GLT1D1: variants seen among roughly 807,000 people sequenced by gnomAD.
The protein encoded by GLT1D1 is glycosyltransferase 1 domain-containing protein 1.
GLT1D1 carries 21 observed loss-of-function variants against 28.7 expected under a neutral mutation model. The ratio of observed to expected loss-of-function variants is 0.73; its 90% CI spans 0.52 to 1.05. The LOEUF is 1.05. Ranked by LOEUF, GLT1D1 falls within the 50% of genes least tolerant of loss-of-function variation. The probability of loss-of-function intolerance (pLI) is 0.00; values close to 1 mark genes in which losing one functional copy is unlikely to be tolerated. For missense variants in GLT1D1, 343 were observed against 330.6 expected, an observed-to-expected ratio of 1.04 and a Z score of -0.29; for synonymous variants, 147 against 124.8, an observed-to-expected ratio of 1.18 and a Z score of -1.19.
intron 7 of GLT1D1, among the ~76,000 whole-genome samples, chr12:128,971,449 TCTCCCTCCATCC>T (rs1487883840): frequency 4.2e-4 from 30 of 72,182 alleles, no homozygotes; most frequent in Non-Finnish European, 6.7e-4. Context: ...TCCCTTCCTC[TCTCCCTCCATCC>T]CTCCCTCTGC....
At chr12:128,910,273 T>TG in intron 4 of GLT1D1, among the ~76,000 whole-genome samples, 1 of 151,746 alleles carries the variant, frequency 6.6e-6, no homozygotes, top group East Asian at 1.9e-4. Flanking sequence ...TCTTTTTTTT[T>TG]TTTTTTTTTT....
Position 128,917,047 on chromosome 12 carries a change from G to GT in GLT1D1, c.375+17769dup, listed in dbSNP as rs1400426511. ...TGTGTGTTGTATGAGGTAGGGATCT[G>GT]TTTTTTTTTCTTAACAATATCCAGA... On this transcript the variant is annotated intron_variant, in intron 4 of 7. Coordinates refer to ENST00000281703, the MANE Select transcript of GLT1D1 (RefSeq NM_144669.3). Among the ~76,000 whole-genome samples, 14 of 150,780 alleles carry GT rather than the reference G, an allele frequency of 9.3e-5. No individual in the cohort carries two copies. The East Asian group carries it at 9.7e-4, about 10-fold the overall frequency.
At position 128,921,088 on chromosome 12, in the gene GLT1D1, T is replaced by G. The variant is rs1206942807; in HGVS notation, c.375+21801T>G. Reference sequence around the variant, plus strand: ...GTGATGAGCCTGAGCCCTTGAACACTTGATCAGGATTTTTCCTCTATAATC... The same window carrying G: ...GTGATGAGCCTGAGCCCTTGAACACGTGATCAGGATTTTTCCTCTATAATC... On this transcript the variant is annotated intron_variant, in intron 4 of 7. Coordinates refer to ENST00000281703, the MANE Select transcript of GLT1D1 (RefSeq NM_144669.3). Among the ~76,000 whole-genome samples the G allele has an allele frequency of 2.0e-5, 3 of 152,198 alleles. No homozygotes were observed. In the East Asian group the frequency reaches 5.8e-4, roughly 29 times the overall value.
intron 6 of GLT1D1, among the ~76,000 whole-genome samples, chr12:128,952,376 T>G (rs1249456060): frequency 1.5e-5 from 2 of 129,740 alleles, no homozygotes; most frequent in Admixed American, 9.8e-5. Context: ...GGAACGTATT[T>G]GGAGATAGAG....
intron 4 of GLT1D1, among the ~76,000 whole-genome samples, chr12:128,915,285 T>C (rs1462111598): frequency 1.3e-5 from 2 of 152,214 alleles, no homozygotes; most frequent in East Asian, 3.9e-4. Flanking sequence ...CCTCATGTGT[T>C]CATTTTATTT....
intron 7 of GLT1D1, among the ~76,000 whole-genome samples, chr12:128,973,005 C>T (rs1593212040): frequency 6.6e-6 from 1 of 152,090 alleles, no homozygotes; most frequent in Admixed American, 6.6e-5. Context: ...GAATGTGACC[C>T]TCCTAACTGA....
At chr12:128,935,039 G>A (rs146829361) in intron 4 of GLT1D1, among the ~76,000 whole-genome samples, 28 of 152,222 alleles carry the variant, frequency 1.8e-4, no homozygotes, top group African/African-American at 6.3e-4. Flanking sequence ...AATTGTCCCC[G>A]CCTGGGTCAT....
intron 7 of GLT1D1, among the ~76,000 whole-genome samples, chr12:128,971,548 C>G (rs1384327578): frequency 8.0e-6 from 1 of 125,086 alleles, no homozygotes; most frequent in Non-Finnish European, 1.7e-5. Context: ...CTCCTTCTCT[C>G]TCTTCCTGTC....
intron 1 of GLT1D1, among the ~76,000 whole-genome samples, chr12:128,872,225 T>A: frequency 6.6e-6 from 1 of 152,206 alleles, no homozygotes; most frequent in East Asian, 1.9e-4. Context: ...ATTACAGGCG[T>A]GAGCCACCGC....
chr12:128,933,021 T>TG (rs1239882233), intron 4 of GLT1D1, among the ~76,000 whole-genome samples: 1 of 152,136 alleles, frequency 6.6e-6, no homozygotes, highest in East Asian at 1.9e-4. Context: ...CCTCACAGCG[T>TG]GGGGGGCCTC....
At chr12:128,939,305 T>C (rs899987590) in intron 4 of GLT1D1, among the ~76,000 whole-genome samples, 5 of 151,694 alleles carry the variant, frequency 3.3e-5, no homozygotes, top group Admixed American at 6.6e-5. Flanking sequence ...CTCATACCTG[T>C]AATCCTAGCA....
chr12:128,884,451 G>A lies in GLT1D1; in HGVS notation c.218-4188G>A, dbSNP rs569493848. Among the ~76,000 whole-genome samples, 4 of 152,202 alleles carry A rather than the reference G, an allele frequency of 2.6e-5. No homozygotes were observed. In the South Asian group the frequency reaches 8.3e-4, roughly 32 times the overall value. On this transcript the variant is annotated intron_variant, in intron 2 of 7. Transcript: ENST00000281703. ...AAAAGCACAAAATTTCAGCTAGGAG[G>A]AATACATTCAAGATTTATTGTACAG... is the stretch of plus-strand genomic sequence containing the variant.
intron 7 of GLT1D1, among the ~76,000 whole-genome samples, chr12:128,968,018 A>G (rs1047089386): frequency 6.6e-6 from 1 of 152,070 alleles, no homozygotes; most frequent in Non-Finnish European, 1.5e-5. Flanking sequence ...TTTTTTTGAG[A>G]CAGAGTCTCG....
intron 5 of GLT1D1, among the ~76,000 whole-genome samples, chr12:128,945,591 A>G (rs1254047443): frequency 1.3e-5 from 2 of 152,220 alleles, no homozygotes; most frequent in Non-Finnish European, 2.9e-5. Context: ...AATGGATCAC[A>G]TTGGCCAGAA....
chr12:128,939,388 C>G (rs1403443532), intron 4 of GLT1D1, among the ~76,000 whole-genome samples: 1 of 150,670 alleles, frequency 6.6e-6, no homozygotes, highest in Admixed American at 6.6e-5. Flanking sequence ...ATGGCGAAAC[C>G]CTGTCTCTAC....
intron 1 of GLT1D1, among the ~76,000 whole-genome samples, chr12:128,863,773 G>A (rs1177204654): frequency 2.6e-5 from 4 of 151,678 alleles, no homozygotes; most frequent in East Asian, 1.9e-4. Flanking sequence ...GTGAAACCCC[G>A]TCTCTACTAA....
intron 4 of GLT1D1, among the ~76,000 whole-genome samples, chr12:128,933,706 C>T (rs1874199807): frequency 6.6e-6 from 1 of 152,166 alleles, no homozygotes; most frequent in South Asian, 2.1e-4. Context: ...CTCAGACACC[C>T]TTCCCCTGAC....
chr12:128,871,821 A>G (rs185671089), intron 1 of GLT1D1, among the ~76,000 whole-genome samples: 41 of 152,304 alleles, frequency 2.7e-4, no homozygotes, highest in Admixed American at 7.2e-4. Flanking sequence ...AGCTGAATAA[A>G]TAACTATTTC....
chr12:128,959,435 GCA>G (rs1565914013), intron 7 of GLT1D1, among the ~76,000 whole-genome samples: 12 of 101,554 alleles, frequency 1.2e-4, no homozygotes, highest in South Asian at 4.5e-4. Flanking sequence ...TGGGGAGGTG[GCA>G]GCGGGGTGGG....
Sources: allele counts gnomAD v4.1 joint callset (sites outside exome capture counted in the v4.1 genomes callset), GRCh38; gene constraint gnomAD v4.1.1; transcripts MANE v1.5; gene names NCBI Gene and HGNC (gene_info 2026-07-23, HGNC 2026-07-21).